Variants in TMC3 observed in about 807,000 individuals in gnomAD.
TMC3 encodes the protein transmembrane channel-like protein 3.
A neutral mutation model predicts 110.6 loss-of-function variants in TMC3; 98 were observed. The observed-to-expected ratio is 0.89, with a 90% CI of 0.75 to 1.05. The LOEUF is 1.05. Among genes scored for constraint, TMC3 ranks in the 50% least tolerant of loss-of-function variants. The pLI is 0.00. For synonymous variants in TMC3, 489 were observed against 513.1 expected (o/e 0.95, Z 0.63); for missense variants, 1,319 against 1,373.2 (o/e 0.96, Z 0.62).
chr15:81,374,058 G>A lies in TMC3; in HGVS notation c.20C>T (p.Ser7Phe), dbSNP rs770387418. The change falls in exon 1 of 22, where the codon TCC becomes TTC. Residue 7 changes from serine (S) to phenylalanine (F), a missense_variant. By Grantham distance (155) the Ser-to-Phe change is radical. Coordinates refer to ENST00000359440, the MANE Select transcript of TMC3 (RefSeq NM_001080532.3). ...TCTCCGGATGCCTCTATAGCGCTGG[G>A]ATGCCTTCGAGGTTTTCATGGGAGC... MKTSKA[S>F]QRYRGIRRNA... The A allele has an allele frequency of 2.5e-6, 4 of 1,613,830 alleles. No individual in the cohort carries two copies. Among genetic ancestry groups the A allele is most frequent in the East Asian group, 4.5e-5 (2 of 44,870 alleles).
chr15:81,344,141 G>T (rs1596082556), intron 13 of TMC3, 96 bp from the exon 14 acceptor site: 3 of 1,381,060 alleles, frequency 2.2e-6, no homozygotes, highest in African/African-American at 1.4e-5. Context: ...ATTCTTGTGG[G>T]CCCCAGCCAG....
Position 81,358,435 on chromosome 15 carries a change from A to T in TMC3, c.567T>A (p.Ser189=). Residue 189 remains serine (S), a synonymous_variant, in exon 6 of 22, where the codon TCT becomes TCA. Transcript: ENST00000359440. The part of the protein sequence containing the change: ...RKTIPKEQVS[S]AQDLDTVWSL... Reference sequence around the variant, plus strand: ...ACCAGACGGTGTCCAGGTCTTGGGCAGACGAAACCTGCTCCTTGGGGATGG... The same window carrying T: ...ACCAGACGGTGTCCAGGTCTTGGGCTGACGAAACCTGCTCCTTGGGGATGG... The T allele has an allele frequency of 6.2e-7, 1 of 1,613,938 alleles. No homozygotes were observed. The highest frequency in any genetic ancestry group is 1.7e-5 in the Admixed American group (1 of 60,006).
chr15:81,343,196 C>T (rs1312195682), intron 15 of TMC3, 82 bp downstream of exon 15: 19 of 800,888 alleles, frequency 2.4e-5, no homozygotes, highest in Non-Finnish European at 3.7e-5. Context: ...GTGTTATGGT[C>T]GTGTCCCATC....
Position 81,351,763 on chromosome 15 carries a change from G to A in TMC3, c.1014C>T (p.Tyr338=), listed in dbSNP as rs769880971. 4.7e-5 allele frequency: 76 copies of A among 1,601,514 alleles called. No homozygotes were observed. The South Asian group carries it at 7.2e-4, about 15-fold the overall frequency. Residue 338 remains tyrosine, a synonymous_variant, in exon 10 of 22, where the codon TAC becomes TAT. Coordinates refer to ENST00000359440, the MANE Select transcript of TMC3 (RefSeq NM_001080532.3). ...GCTTCTGGGACCGGTCCACCACAAA[G>A]TAGATGAGATAAATGCTCCCAGCCA... ...LSLAGSIYLI[Y]FVVDRSQKLE...
chr15:81,339,001 T>C lies in TMC3; in HGVS notation c.1956-221A>G, dbSNP rs532229124. On this transcript the variant is annotated intron_variant, in intron 17 of 21. Coordinates refer to ENST00000359440, the MANE Select transcript of TMC3 (RefSeq NM_001080532.3). ...CTAAGGTAGACTAAATATTCCATAT[T>C]GTATCAAAGCTGACTTGAATGCTGG... is the stretch of plus-strand genomic sequence containing the variant. Among the ~76,000 whole-genome samples the C allele has an allele frequency of 7.9e-5, 12 of 152,348 alleles. No homozygotes were observed. In the South Asian group the frequency reaches 1.4e-3, roughly 18 times the overall value.
chr15:81,372,772 TAGA>T, intron 1 of TMC3, 35 bp from the exon 2 acceptor site: 1 of 1,607,766 alleles, frequency 6.2e-7, no homozygotes, highest in Non-Finnish European at 8.5e-7. Flanking sequence ...GAAATCTGAT[TAGA>T]AGAATTGCTT....
intron 3 of TMC3, among the ~76,000 whole-genome samples, chr15:81,364,326 G>A (rs1465732812): frequency 6.6e-6 from 1 of 152,106 alleles, no homozygotes; most frequent in Non-Finnish European, 1.5e-5. Context: ...TGAAAAAGGT[G>A]ATTTGTTGAT....
intron 16 of TMC3, 104 bp downstream of exon 16, chr15:81,341,286 A>G (rs1596081138): frequency 8.1e-7 from 1 of 1,242,190 alleles, no homozygotes; most frequent in South Asian, 2.0e-5. Flanking sequence ...TGACAGGAAG[A>G]GAGTTGGGGG....
chr15:81,344,666 T>C (rs537744119), intron 13 of TMC3, 100 bp downstream of exon 13: 5 of 1,236,594 alleles, frequency 4.0e-6, no homozygotes. Flanking sequence ...ACTGAACTTT[T>C]CTTTTTTCTA....
chr15:81,372,688 G>C lies in TMC3; in HGVS notation c.139C>G (p.Pro47Ala). The C allele has an allele frequency of 6.2e-7, 1 of 1,613,992 alleles. No individual in the cohort carries two copies. Among genetic ancestry groups the C allele is most frequent in the Non-Finnish European group, 8.5e-7 (1 of 1,179,874 alleles). The change falls in exon 2 of 22, where the codon CCG (proline) becomes GCG (alanine). Residue 47 changes from proline (P) to alanine (A), a missense_variant. Physicochemically the swap from Pro to Ala is conservative, Grantham distance 27. Coordinates refer to ENST00000359440, the MANE Select transcript of TMC3 (RefSeq NM_001080532.3). ...TGTATATTCTGGAAGATTTGTTCCG[G>C]ATCATTGCTGTCCCCTGTTTCATCA... ...SADETGDSND[P>A]EQIFQNIQFQ...
Position 81,332,901 on chromosome 15 carries a change from G to T in TMC3, c.2821C>A (p.Leu941Met). 3 of 1,613,258 alleles carry T rather than the reference G, an allele frequency of 1.9e-6. No individual in the cohort carries two copies. The highest frequency in any genetic ancestry group is 2.5e-6 in the Non-Finnish European group (3 of 1,179,874). ...RVPRQPPSPQ[L>M]SEEEEETPSR... Reference sequence around the variant, plus strand: ...GGCGTCTCCTCCTCTTCTTCACTCAGCTGTGGGGAGGGAGGCTGGCGGGGG... The same window carrying T: ...GGCGTCTCCTCCTCTTCTTCACTCATCTGTGGGGAGGGAGGCTGGCGGGGG... The change falls in exon 22 of 22, where the codon CTG (leucine) becomes ATG (methionine). Residue 941 changes from leucine (L) to methionine (M), a missense_variant. By Grantham distance (15) the Leu-to-Met change is conservative. Coordinates refer to ENST00000359440, the MANE Select transcript of TMC3 (RefSeq NM_001080532.3).
chr15:81,355,743 TTC>T lies in TMC3; in HGVS notation c.915_916del (p.Lys307GlufsTer54). ...TACCTACAGGTTTTTGCTTTTCTTTTTCTCCTGTTCTTCCAATATAGCTTCCT... is the reference window on the plus strand; with the variant it reads ...TACCTACAGGTTTTTGCTTTTCTTTTTCCTGTTCTTCCAATATAGCTTCCT... On this transcript the variant is annotated frameshift_variant, in exon 9 of 22. Coordinates refer to ENST00000359440, the MANE Select transcript of TMC3 (RefSeq NM_001080532.3). LOFTEE classifies it high-confidence loss of function. 6.3e-7 allele frequency: 1 copy of T among 1,596,966 alleles called. No homozygotes were observed. The highest frequency in any genetic ancestry group is 8.6e-7 in the Non-Finnish European group (1 of 1,167,416).
chr15:81,358,339 T>C (rs770391965), intron 6 of TMC3, 48 bp from the exon 7 acceptor site: 3 of 1,601,082 alleles, frequency 1.9e-6, no homozygotes, highest in Non-Finnish European at 2.6e-6. Flanking sequence ...TTCCCAGGTC[T>C]CAGAACTGTG....
In TMC3 at chr15:81,341,535, G is replaced by A. The variant is rs764377464; in HGVS notation, c.1716-17C>T. 4.4e-6 allele frequency: 7 copies of A among 1,605,414 alleles called. No individual in the cohort carries two copies. Among genetic ancestry groups the A allele is most frequent in the Non-Finnish European group, 6.0e-6 (7 of 1,175,762 alleles). On this transcript the variant is annotated splice_polypyrimidine_tract_variant and intron_variant, in intron 15 of 21. Transcript: ENST00000359440. ...GCCCCCATCCTGGAACCATGAGGAAGGTCAGTTTGCATCTGTTCTCTTTCA... is the reference window on the plus strand; with the variant it reads ...GCCCCCATCCTGGAACCATGAGGAAAGTCAGTTTGCATCTGTTCTCTTTCA...
At chr15:81,363,477 A>G (rs1173322778) in intron 3 of TMC3, among the ~76,000 whole-genome samples, 1 of 152,214 alleles carries the variant, frequency 6.6e-6, no homozygotes, top group Non-Finnish European at 1.5e-5. Context: ...ATTCTGAACT[A>G]TAAGACCACA....
At chr15:81,355,655 T>C (rs1392164603) in intron 9 of TMC3, 70 bp downstream of exon 9, 2 of 952,968 alleles carry the variant, frequency 2.1e-6, no homozygotes, top group South Asian at 2.8e-5. Context: ...ATAGATGATC[T>C]GGTAGTTTTT....
Position 81,349,444 on chromosome 15 carries a change from C to T in TMC3, c.1193+14G>A, listed in dbSNP as rs374573904. 1.3e-4 allele frequency: 190 copies of T among 1,448,454 alleles called. No individual in the cohort carries two copies. Among genetic ancestry groups the T allele is most frequent in the Non-Finnish European group, 1.6e-4 (179 of 1,095,446 alleles). The allele number at this position is 1,448,454 out of a possible 1,614,324, so 89.7% of individuals were successfully genotyped here. On this transcript the variant is annotated intron_variant, in intron 11 of 21. Transcript: ENST00000359440. ...GTGAGCCACAGGTGGCATTTCTGGG[C>T]AGGACTGTTGTACCTTGCAAGCTGG...
rs1287565127 is a variant in TMC3, at chr15:81,331,447, T to C, written c.*972A>G. The stretch of plus-strand genomic sequence containing the variant: ...AAGGAAAAACAGGCAGTTAGTGTTC[T>C]TCTTTAACTTAGACTATGGGGGAGC... On this transcript the variant is annotated 3_prime_UTR_variant, in exon 22 of 22. Coordinates refer to ENST00000359440, the MANE Select transcript of TMC3 (RefSeq NM_001080532.3). The C allele has an allele frequency of 6.6e-6, 1 of 152,230 alleles. No individual in the cohort carries two copies. The highest frequency in any genetic ancestry group is 1.9e-4 in the East Asian group (1 of 5,200). The allele number at this position is 152,230 out of a possible 1,614,324, so 9.4% of individuals were successfully genotyped here. A position where few individuals can be genotyped will look rare whatever the true frequency, so the allele number is the denominator to read the frequency against.
In TMC3 at chr15:81,349,959, CA is replaced by C. The variant is rs59272742; in HGVS notation, c.1084-393del. ...GCAACACAGCAAGACCCCATCTCTA[CA>C]AAAAAAAAAAAAAAGCTGGCATATG... On this transcript the variant is annotated intron_variant, in intron 10 of 21. Coordinates refer to ENST00000359440, the MANE Select transcript of TMC3 (RefSeq NM_001080532.3). Among the ~76,000 whole-genome samples, 333 of 107,758 alleles carry C rather than the reference CA, an allele frequency of 3.1e-3. 1 individual carries two copies. Among genetic ancestry groups the C allele is most frequent in the Admixed American group, 4.8e-3 (47 of 9,858 alleles). 70.7% of individuals were successfully genotyped at this position (107,758 alleles called of 152,430 possible).
Sources: gnomAD v4.1 joint callset for allele counts (sites outside exome capture counted in the v4.1 genomes callset) on GRCh38, gnomAD v4.1.1 for gene constraint, MANE v1.5 for transcripts, NCBI Gene and HGNC (gene_info 2026-07-23, HGNC 2026-07-21) for gene names.